The following IP6K2 variants were observed in gnomAD, a reference collection of about 807,000 sequenced individuals.
The protein encoded by IP6K2 is inositol hexakisphosphate kinase 2.
IP6K2 carries 9 observed loss-of-function variants against 43.3 expected under a neutral mutation model. The ratio of observed to expected loss-of-function variants is 0.21; its 90% CI spans 0.13 to 0.36. The LOEUF is 0.36. Ranked by LOEUF, IP6K2 falls within the 10% of genes least tolerant of loss-of-function variation. IP6K2 has a pLI of 1.00. For missense variants in IP6K2, 332 were observed against 538.4 expected (o/e 0.62, Z 3.79); for synonymous variants, 209 against 202.4 (o/e 1.03, Z -0.28).
At chr3:48,709,598 G>C (rs2080241239) in intron 1 of IP6K2, among the ~76,000 whole-genome samples, 1 of 152,116 alleles carries the variant, frequency 6.6e-6, no homozygotes, top group African/African-American at 2.4e-5. Flanking sequence ...CAGCACTTTG[G>C]GAGGCCAAGG....
intron 1 of IP6K2, among the ~76,000 whole-genome samples, chr3:48,702,449 C>CT (rs375467398): frequency 3.9e-4 from 57 of 147,108 alleles, no homozygotes; most frequent in African/African-American, 5.2e-4. Flanking sequence ...GTCACCCCCC[C>CT]TTTTTTTTTT....
At chr3:48,690,721 G>A (rs1179720945) in intron 4 of IP6K2, among the ~76,000 whole-genome samples, 1 of 150,828 alleles carries the variant, frequency 6.6e-6, no homozygotes, top group Non-Finnish European at 1.5e-5. Context: ...CCTGGGAGAC[G>A]GAGGTTGCAG....
At chr3:48,717,098 C>G (rs924425186) in intron 1 of IP6K2, 59 bp downstream of exon 1, 1 of 154,822 alleles carries the variant, frequency 6.5e-6, no homozygotes, top group Non-Finnish European at 1.5e-5. Flanking sequence ...TTCCCAGTAG[C>G]CTGAAAAAAT....
intron 1 of IP6K2, among the ~76,000 whole-genome samples, chr3:48,708,667 G>A (rs1261941012): frequency 6.7e-6 from 1 of 149,186 alleles, no homozygotes; most frequent in Non-Finnish European, 1.5e-5. Context: ...TAACTCAACA[G>A]GAACACAGAG....
rs530576068 is a variant in IP6K2, at chr3:48,690,809, A to G, written c.604+498T>C. ...TCTCAAAAAAAAAAAAAAAAGAAAA[A>G]AAAGAGAGAGAGAGGAAAAAAAGAA... On this transcript the variant is annotated intron_variant, in intron 4 of 5. Transcript: ENST00000328631. Among the ~76,000 whole-genome samples, 123 of 149,498 alleles carry G rather than the reference A, an allele frequency of 8.2e-4. 1 individual carries two copies. The highest frequency in any genetic ancestry group is 3.0e-3 in the African/African-American group (118 of 39,152).
intron 1 of IP6K2, among the ~76,000 whole-genome samples, chr3:48,709,561 G>T (rs1386662115): frequency 6.6e-6 from 1 of 152,142 alleles, no homozygotes; most frequent in Non-Finnish European, 1.5e-5. Context: ...CAGTCAGGCT[G>T]GGCGCGGTGG....
intron 1 of IP6K2, among the ~76,000 whole-genome samples, chr3:48,704,226 G>A (rs1575696042): frequency 6.6e-6 from 1 of 152,192 alleles, no homozygotes; most frequent in East Asian, 1.9e-4. Context: ...AAATTGACCT[G>A]TCTGGGTACA....
chr3:48,694,809 T>C lies in IP6K2; in HGVS notation c.202+281A>G, dbSNP rs1575615646. ...CCCCCAGTGGGGGACTATGGGTTAC[T>C]GTGATCAAGAGACACCTGAACATAA... On this transcript the variant is annotated intron_variant, in intron 2 of 5. Coordinates refer to ENST00000328631, the MANE Select transcript of IP6K2 (RefSeq NM_016291.4). 3 of 1,536,324 alleles carry C rather than the reference T, an allele frequency of 2.0e-6. No individual in the cohort carries two copies. The Admixed American group carries it at 5.9e-5, about 30-fold the overall frequency.
In IP6K2 at chr3:48,688,670, T is replaced by C. The variant is rs2077523405; in HGVS notation, c.884A>G (p.Asn295Ser). ...GAGTTCACGGCGCAGGTACCGCCCA[T>C]TGTGGAAGAACTGGAAAAGTGCCTC... ...FKEALFQFFH[N>S]GRYLRRELLG... The change falls in exon 6 of 6, where the codon AAT becomes AGT. Residue 295 changes from asparagine to serine, a missense_variant. Transcript: ENST00000328631. The surrounding 1 kb of genome is among the most constrained non-coding windows in gnomAD (Gnocchi z 5.1). 1 of 1,614,102 alleles carries C rather than the reference T, an allele frequency of 6.2e-7. No homozygotes were observed.
At chr3:48,709,255 C>G (rs766348010) in intron 1 of IP6K2, among the ~76,000 whole-genome samples, 20 of 152,236 alleles carry the variant, frequency 1.3e-4, no homozygotes, top group Non-Finnish European at 2.2e-4. Context: ...GCAGGGCATC[C>G]CGGACCTGCC....
chr3:48,688,938 C>G lies in IP6K2; in HGVS notation c.781-165G>C, dbSNP rs1156461154. ...TCCACTATGCTCTCTGATCAGCCCC[C>G]ACCTGGGATGCAGCCATCCAACCTG... On this transcript the variant is annotated intron_variant, in intron 5 of 5. Coordinates refer to ENST00000328631, the MANE Select transcript of IP6K2 (RefSeq NM_016291.4). This position sits in a 1 kb window ranked among gnomAD's most constrained non-coding sequence, Gnocchi z 5.1. 6.6e-6 allele frequency among the ~76,000 whole-genome samples: 1 copy of G among 152,226 alleles called. No individual in the cohort carries two copies. Among genetic ancestry groups the G allele is most frequent in the Non-Finnish European group, 1.5e-5 (1 of 68,040 alleles).
intron 1 of IP6K2, chr3:48,699,410 CA>C (rs2078778221): frequency 6.7e-6 from 1 of 149,246 alleles, no homozygotes; most frequent in Non-Finnish European, 1.5e-5. Flanking sequence ...AAAAAAAAAA[CA>C]AAAAACAACA....
At position 48,698,041 on chromosome 3, in the gene IP6K2, C is replaced by G. The variant is rs116787375; in HGVS notation, c.-130-2620G>C. Among the ~76,000 whole-genome samples, 1,244 of 152,222 alleles carry G rather than the reference C, an allele frequency of 8.2e-3. 20 individuals carry two copies. The highest frequency in any genetic ancestry group is 0.029 in the African/African-American group (1,201 of 41,516). ...CACTACCTTCTCATCACCACAAAAG[C>G]CTCCAGGAAGGCACGTATTGAGAAG... is the stretch of plus-strand genomic sequence containing the variant. On this transcript the variant is annotated intron_variant, in intron 1 of 5. Coordinates refer to ENST00000328631, the MANE Select transcript of IP6K2 (RefSeq NM_016291.4).
At chr3:48,702,448 C>T (rs1299750413) in intron 1 of IP6K2, among the ~76,000 whole-genome samples, 2 of 150,512 alleles carry the variant, frequency 1.3e-5, no homozygotes, top group African/African-American at 2.5e-5. Context: ...TGTCACCCCC[C>T]CTTTTTTTTT....
intron 2 of IP6K2, chr3:48,693,855 G>A: frequency 8.6e-7 from 1 of 1,163,602 alleles, no homozygotes; most frequent in East Asian, 4.7e-5. Context: ...GCTGGTTGGG[G>A]AGCACAGACA....
Position 48,695,548 on chromosome 3 carries a change from A to T in IP6K2, c.-130-127T>A. 8.2e-7 allele frequency: 1 copy of T among 1,221,494 alleles called. No homozygotes were observed. The highest frequency in any genetic ancestry group is 3.0e-5 in the East Asian group (1 of 33,866). 75.7% of individuals were successfully genotyped at this position (1,221,494 alleles called of 1,614,324 possible). A position where few individuals can be genotyped will look rare whatever the true frequency, so the allele number is the denominator to read the frequency against. On this transcript the variant is annotated intron_variant, in intron 1 of 5. Coordinates refer to ENST00000328631, the MANE Select transcript of IP6K2 (RefSeq NM_016291.4). This position sits in a 1 kb window ranked among gnomAD's most constrained non-coding sequence, Gnocchi z 4.6. ...TCTGAGTTCTTGCGGGACTCCGCCC[A>T]TGCCACCCACCTTGGCCCCCGCCTT...
At chr3:48,715,164 A>G in intron 1 of IP6K2, 2 of 854,696 alleles carry the variant, frequency 2.3e-6, no homozygotes, top group Non-Finnish European at 1.8e-6. Context: ...ATGTAATAAC[A>G]TGAGAATAAT....
chr3:48,690,734 A>G (rs1030897712), intron 4 of IP6K2, among the ~76,000 whole-genome samples: 1 of 150,200 alleles, frequency 6.7e-6, no homozygotes, highest in Admixed American at 6.7e-5. Flanking sequence ...GGTTGCAGTG[A>G]GCTGAGATCA....
Position 48,688,062 on chromosome 3 carries a change from T to C in IP6K2, c.*211A>G. ...ACACTCAGGGAAGAAAGAGGTATCA[T>C]CATCAAATGTGGAATGTTGAAGAAA... On this transcript the variant is annotated 3_prime_UTR_variant, in exon 6 of 6. Coordinates refer to ENST00000328631, the MANE Select transcript of IP6K2 (RefSeq NM_016291.4). This position sits in a 1 kb window ranked among gnomAD's most constrained non-coding sequence, Gnocchi z 5.1. 4 of 594,538 alleles carry C rather than the reference T, an allele frequency of 6.7e-6. No individual in the cohort carries two copies. The highest frequency in any genetic ancestry group is 1.2e-5 in the Non-Finnish European group (4 of 333,752). 36.8% of individuals were successfully genotyped at this position (594,538 alleles called of 1,614,324 possible). A position where few individuals can be genotyped will look rare whatever the true frequency, so the allele number is the denominator to read the frequency against.
Sources: gnomAD v4.1 joint callset for allele counts (sites outside exome capture counted in the v4.1 genomes callset) on GRCh38, gnomAD v4.1.1 for gene constraint, Gnocchi (gnomAD v3.1) non-coding constraint, MANE v1.5 for transcripts, NCBI Gene and HGNC (gene_info 2026-07-23, HGNC 2026-07-21) for gene names.